STON2: variants seen among roughly 807,000 people sequenced by gnomAD.
STON2 encodes stonin-2.
In STON2, 29 loss-of-function variants were observed where a neutral mutation model predicts 65.7. That is an observed-to-expected ratio of 0.44 (90% CI 0.33 to 0.60). The LOEUF (loss-of-function observed/expected upper bound fraction) is 0.60, where lower values mean the gene tolerates loss of function less well. STON2 is among the 20% of genes least tolerant of loss of function. The probability of loss-of-function intolerance (pLI) is 0.03; values close to 1 mark genes in which losing one functional copy is unlikely to be tolerated. For missense variants in STON2, 1,054 were observed against 1,118.1 expected, an observed-to-expected ratio of 0.94 and a Z score of 0.82; for synonymous variants, 404 against 414.2, an observed-to-expected ratio of 0.98 and a Z score of 0.30.
At chr14:81,299,551 T>C (rs771829150) in intron 5 of STON2, among the ~76,000 whole-genome samples, 4 of 152,326 alleles carry the variant, frequency 2.6e-5, no homozygotes, top group Admixed American at 6.5e-5. Context: ...TTATGAGCAT[T>C]TTGGGCTGTT....
At chr14:81,313,203 C>T (rs922497801) in intron 5 of STON2, among the ~76,000 whole-genome samples, 2 of 152,148 alleles carry the variant, frequency 1.3e-5, no homozygotes, top group African/African-American at 4.8e-5. Context: ...AGATCAAAGA[C>T]AAGAACCCAG....
At chr14:81,376,534 T>A (rs1400887562) in intron 3 of STON2, among the ~76,000 whole-genome samples, 1 of 152,018 alleles carries the variant, frequency 6.6e-6, no homozygotes, top group African/African-American at 2.4e-5. Flanking sequence ...AAAAGTTCTA[T>A]CAAACGTTAA....
At chr14:81,397,518 G>A (rs899000334) in intron 2 of STON2, among the ~76,000 whole-genome samples, 1 of 152,064 alleles carries the variant, frequency 6.6e-6, no homozygotes, top group African/African-American at 2.4e-5. Flanking sequence ...CATTTCAGGG[G>A]CTCAGTAACC....
At chr14:81,363,594 T>C (rs531707767) in intron 4 of STON2, among the ~76,000 whole-genome samples, 4 of 151,710 alleles carry the variant, frequency 2.6e-5, no homozygotes, top group African/African-American at 9.7e-5. Flanking sequence ...TCAAATTTGT[T>C]AATGAAAGAG....
upstream of STON2, among the ~76,000 whole-genome samples, chr14:81,404,809 A>G (rs1312164268): frequency 6.6e-6 from 1 of 152,200 alleles, no homozygotes; most frequent in African/African-American, 2.4e-5. Flanking sequence ...ACCTGGCCTC[A>G]TGGTATATTC....
At chr14:81,329,282 T>A (rs1378370818) in intron 4 of STON2, among the ~76,000 whole-genome samples, 1 of 151,716 alleles carries the variant, frequency 6.6e-6, no homozygotes. Context: ...TGAAACCCCG[T>A]CTCTACTAAA....
At chr14:81,313,163 G>T (rs7153538) in intron 5 of STON2, among the ~76,000 whole-genome samples, 119,761 of 152,144 alleles carry the variant, frequency 0.79, 47,281 homozygotes, top group African/African-American at 0.8. Context: ...ACCAGTCCAG[G>T]CAAGGAAAAT....
At chr14:81,436,231 G>GC (rs1047836188) in intron 1 of STON2, 1 of 150,692 alleles carries the variant, frequency 6.6e-6, no homozygotes, top group Non-Finnish European at 1.5e-5. Context: ...GCCCGCCCCC[G>GC]CCCCCGCCCC....
intron 3 of STON2, among the ~76,000 whole-genome samples, chr14:81,387,345 A>G (rs1899862853): frequency 6.6e-6 from 1 of 152,174 alleles, no homozygotes. Context: ...TAATTTAAGT[A>G]TTTGACATTA....
chr14:81,270,737 G>C lies in STON2; in HGVS notation c.2717C>G (p.Ser906Cys). ...TTSASKASVR[S>C]ISVEDKTDVR... The stretch of plus-strand genomic sequence containing the variant: ...GTCAGTCTTGTCTTCTACAGAGATA[G>C]ATCTCACGCTGGCTTTGGAGGCAGA... Residue 906 changes from serine to cysteine, a missense_variant, in exon 7 of 8, where the codon TCT becomes TGT. By Grantham distance (112) the Ser-to-Cys change is moderately radical (BLOSUM62 -1). Transcript: ENST00000614646. The C allele has an allele frequency of 6.2e-7, 1 of 1,614,160 alleles. No individual in the cohort carries two copies. Among genetic ancestry groups the C allele is most frequent in the Non-Finnish European group, 8.5e-7 (1 of 1,180,036 alleles).
At chr14:81,278,994 C>A (rs1472446221) in intron 5 of STON2, among the ~76,000 whole-genome samples, 1 of 151,990 alleles carries the variant, frequency 6.6e-6, no homozygotes, top group African/African-American at 2.4e-5. Context: ...ACTGGTAGTA[C>A]CAAGGTCTCT....
chr14:81,324,693 G>C (rs1479257119), intron 4 of STON2, among the ~76,000 whole-genome samples: 1 of 152,224 alleles, frequency 6.6e-6, no homozygotes, highest in Non-Finnish European at 1.5e-5. Flanking sequence ...ACTTTGCCTT[G>C]TCCAAGGGGC....
chr14:81,311,504 AC>A (rs1896426079), intron 5 of STON2, among the ~76,000 whole-genome samples: 1 of 152,222 alleles, frequency 6.6e-6, no homozygotes, highest in Non-Finnish European at 1.5e-5. Context: ...CAGGTACTGT[AC>A]AAAAGAAGAT....
At chr14:81,376,056 A>AATATATGTAAGC (rs1036059784) in intron 3 of STON2, among the ~76,000 whole-genome samples, 2 of 151,954 alleles carry the variant, frequency 1.3e-5, no homozygotes, top group African/African-American at 4.8e-5. Context: ...AAATTTTAAG[A>AATATATGTAAGC]ATATATGTAA....
In STON2 at chr14:81,265,632, C is replaced by A. The variant is rs535112902; in HGVS notation, c.*2782G>T. The A allele has an allele frequency of 3.1e-6, 1 of 326,950 alleles. No homozygotes were observed. Among genetic ancestry groups the A allele is most frequent in the African/African-American group, 2.3e-5 (1 of 43,174 alleles). 20.3% of individuals were successfully genotyped at this position (326,950 alleles called of 1,614,324 possible). A position where few individuals can be genotyped will look rare whatever the true frequency, so the allele number is the denominator to read the frequency against. On this transcript the variant is annotated 3_prime_UTR_variant, in exon 8 of 8. Transcript: ENST00000614646. ...TGCACTCCAGCCTGGGCGACAAGAG[C>A]GAAACTTTGTCTCAGTAATAATAAT...
chr14:81,397,602 T>G (rs1451512322), intron 2 of STON2, among the ~76,000 whole-genome samples: 6 of 152,176 alleles, frequency 3.9e-5, no homozygotes, highest in African/African-American at 1.4e-4. Flanking sequence ...GTGGGATGAC[T>G]TCAGTTGGCA....
intron 4 of STON2, among the ~76,000 whole-genome samples, chr14:81,329,574 A>G (rs1897132156): frequency 6.6e-6 from 1 of 152,192 alleles, no homozygotes; most frequent in African/African-American, 2.4e-5. Context: ...GCCAGCAACT[A>G]GAAGAAACCC....
At chr14:81,313,810 T>TACGC (rs1896522448) in intron 5 of STON2, among the ~76,000 whole-genome samples, 1 of 139,792 alleles carries the variant, frequency 7.2e-6, no homozygotes, top group African/African-American at 2.6e-5. Context: ...AAAAAAAAAA[T>TACGC]ACACACACAC....
chr14:81,416,360 A>G lies in STON2; in HGVS notation c.-199+10742T>C, dbSNP rs781261487. Among the ~76,000 whole-genome samples, 8 of 152,200 alleles carry G rather than the reference A, an allele frequency of 5.3e-5. No homozygotes were observed. The South Asian group carries it at 6.2e-4, about 12-fold the overall frequency. On this transcript the variant is annotated intron_variant, in intron 2 of 8. Transcript: ENST00000553821. ...GCATTCAGGAAGTGAAAGTGCAAAG[A>G]AGGAGGAGACCTTAGAAATTTCGGG...
Sources: allele counts gnomAD v4.1 joint callset (sites outside exome capture counted in the v4.1 genomes callset), GRCh38; gene constraint gnomAD v4.1.1; transcripts MANE v1.5; gene names NCBI Gene and HGNC (gene_info 2026-07-23, HGNC 2026-07-21).